Variants in RPS6KA5 observed in about 807,000 individuals in gnomAD.
The protein encoded by RPS6KA5 is ribosomal protein S6 kinase alpha-5.
Under a neutral mutation model 85.5 loss-of-function variants are expected in RPS6KA5, and 27 were observed. The ratio of observed to expected loss-of-function variants is 0.32; its 90% CI spans 0.23 to 0.44. RPS6KA5 has a LOEUF of 0.44. Ranked by LOEUF, RPS6KA5 falls within the 20% of genes least tolerant of loss-of-function variation. The pLI is 1.00. For missense variants in RPS6KA5, 811 were observed against 980.9 expected, an observed-to-expected ratio of 0.83 and a Z score of 2.31; for synonymous variants, 334 against 348.2, an observed-to-expected ratio of 0.96 and a Z score of 0.46.
At chr14:90,894,307 A>G (rs2034714496) in intron 13 of RPS6KA5, 106 bp downstream of exon 13, 1 of 1,391,472 alleles carries the variant, frequency 7.2e-7, no homozygotes, top group Non-Finnish European at 9.4e-7. Context: ...AACAGCCTTG[A>G]AAAGTAAAAA....
rs1447403785 is a variant in RPS6KA5, at chr14:90,862,047, C to T, written c.*10027G>A. 6.6e-6 allele frequency: 1 copy of T among 151,938 alleles called. No individual in the cohort carries two copies. Among genetic ancestry groups the T allele is most frequent in the Non-Finnish European group, 1.5e-5 (1 of 67,996 alleles). 9.4% of individuals were successfully genotyped at this position (151,938 alleles called of 1,614,324 possible). A position where few individuals can be genotyped will look rare whatever the true frequency, so the allele number is the denominator to read the frequency against. Reference sequence around the variant, plus strand: ...TGAATTTCTAAAAATTACTAACGAACTAACATAGGAGGAAACAATGGACAA... The same window carrying T: ...TGAATTTCTAAAAATTACTAACGAATTAACATAGGAGGAAACAATGGACAA... On this transcript the variant is annotated 3_prime_UTR_variant, in exon 17 of 17. Coordinates refer to ENST00000614987, the MANE Select transcript of RPS6KA5 (RefSeq NM_004755.4).
chr14:91,030,611 G>GAAAAAAAAAAAA (rs58737573), intron 1 of RPS6KA5, among the ~76,000 whole-genome samples: 17 of 22,032 alleles, frequency 7.7e-4, no homozygotes, highest in Admixed American at 1.7e-3. Flanking sequence ...AAAATAAACA[G>GAAAAAAAAAAAA]AAAAAAAAAA....
At chr14:90,937,691 T>C (rs1489592508) in intron 5 of RPS6KA5, among the ~76,000 whole-genome samples, 2 of 152,134 alleles carry the variant, frequency 1.3e-5, no homozygotes, top group Non-Finnish European at 2.9e-5. Context: ...AGTCACATAT[T>C]ACATGGATGG....
chr14:91,052,833 CA>C (rs200161761), intron 1 of RPS6KA5, among the ~76,000 whole-genome samples: 15,476 of 119,746 alleles, frequency 0.13, 896 homozygotes, highest in East Asian at 0.31. Flanking sequence ...ACTCCATCTC[CA>C]AAAAAAAAAA....
chr14:91,022,294 A>G (rs2041819456), intron 1 of RPS6KA5, among the ~76,000 whole-genome samples: 1 of 152,246 alleles, frequency 6.6e-6, no homozygotes, highest in South Asian at 2.1e-4. Flanking sequence ...AATATGATGT[A>G]CAAGAATAAT....
At chr14:90,898,305 C>A (rs1270750118) in intron 12 of RPS6KA5, among the ~76,000 whole-genome samples, 1 of 152,108 alleles carries the variant, frequency 6.6e-6, no homozygotes, top group African/African-American at 2.4e-5. Context: ...GAACCTAGAC[C>A]ACACAAGATA....
At chr14:90,873,879 T>C (rs184079949) in intron 15 of RPS6KA5, 84 bp from the exon 16 acceptor site, 1 of 1,183,762 alleles carries the variant, frequency 8.4e-7, no homozygotes, top group Non-Finnish European at 1.2e-6. Context: ...CTCAGCTATG[T>C]TCACATGACA....
At chr14:90,969,608 T>C (rs1300087458) in intron 3 of RPS6KA5, among the ~76,000 whole-genome samples, 3 of 152,358 alleles carry the variant, frequency 2.0e-5, no homozygotes, top group East Asian at 1.9e-4. Flanking sequence ...GGGGAAGTCG[T>C]AGAGTTAACA....
chr14:90,909,675 T>C (rs1034435258), intron 7 of RPS6KA5, among the ~76,000 whole-genome samples: 1 of 152,180 alleles, frequency 6.6e-6, no homozygotes, highest in African/African-American at 2.4e-5. Context: ...CATATTACAA[T>C]GTATCATGAA....
intron 3 of RPS6KA5, among the ~76,000 whole-genome samples, chr14:90,960,215 C>G: frequency 6.6e-6 from 1 of 152,140 alleles, no homozygotes; most frequent in East Asian, 1.9e-4. Flanking sequence ...AAAACTGCAT[C>G]TCTGATGTCT....
At position 90,890,496 on chromosome 14, in the gene RPS6KA5, G is replaced by T; in HGVS notation, c.1827C>A (p.Gly609=). 4 of 1,603,540 alleles carry T rather than the reference G, an allele frequency of 2.5e-6. No individual in the cohort carries two copies. Among genetic ancestry groups the T allele is most frequent in the Non-Finnish European group, 3.4e-6 (4 of 1,175,538 alleles). ...ATTGAAAAGAACTCACCAAAATGAC[G>T]CCCAAGCTCCACAGGTCACAGGACT... ...YDESCDLWSL[G]VILYTMLSGQ... is the part of the protein sequence containing the mutation. Residue 609 remains glycine (G), a synonymous_variant, in exon 14 of 17, where the codon GGC becomes GGA. Coordinates refer to ENST00000614987, the MANE Select transcript of RPS6KA5 (RefSeq NM_004755.4).
intron 5 of RPS6KA5, among the ~76,000 whole-genome samples, chr14:90,934,439 C>CATAA (rs2037155682): frequency 6.6e-6 from 1 of 152,106 alleles, no homozygotes; most frequent in South Asian, 2.1e-4. Flanking sequence ...ACTTTAAAGT[C>CATAA]CCTGACACTC....
In RPS6KA5 at chr14:90,861,994, T is replaced by C. The variant is rs919844994; in HGVS notation, c.*10080A>G. Reference sequence around the variant, plus strand: ...CCAATTTAAGGCAGCAAGTCAAAGATACAAGCTGTAATCTTTAAGGTACTA... The same window carrying C: ...CCAATTTAAGGCAGCAAGTCAAAGACACAAGCTGTAATCTTTAAGGTACTA... On this transcript the variant is annotated 3_prime_UTR_variant, in exon 17 of 17. Coordinates refer to ENST00000614987, the MANE Select transcript of RPS6KA5 (RefSeq NM_004755.4). The C allele has an allele frequency of 6.6e-6, 1 of 151,644 alleles. No individual in the cohort carries two copies. The highest frequency in any genetic ancestry group is 2.1e-4 in the South Asian group (1 of 4,810). The allele number at this position is 151,644 out of a possible 1,614,324, so 9.4% of individuals were successfully genotyped here.
intron 7 of RPS6KA5, among the ~76,000 whole-genome samples, chr14:90,913,614 T>C (rs953402982): frequency 3.9e-5 from 6 of 152,322 alleles, no homozygotes; most frequent in Middle Eastern, 3.4e-3. Flanking sequence ...TAAAAGTTAC[T>C]TAGTATGACT....
chr14:91,013,235 A>T (rs1000497030), intron 1 of RPS6KA5, among the ~76,000 whole-genome samples: 3 of 152,210 alleles, frequency 2.0e-5, no homozygotes, highest in Non-Finnish European at 4.4e-5. Context: ...AAACATCTTG[A>T]ATGCTTACTT....
chr14:91,031,972 C>A (rs923170340), intron 1 of RPS6KA5, among the ~76,000 whole-genome samples: 5 of 152,066 alleles, frequency 3.3e-5, no homozygotes, highest in African/African-American at 2.4e-5. Flanking sequence ...TTATATGGAT[C>A]GTTTTAATAA....
chr14:90,944,934 A>AT (rs34492881), intron 4 of RPS6KA5, among the ~76,000 whole-genome samples: 4 of 146,482 alleles, frequency 2.7e-5, no homozygotes, highest in Middle Eastern at 3.2e-3. Context: ...CAATGTCTCT[A>AT]TTTTTTTTTT....
chr14:90,917,489 T>C (rs566867714), intron 7 of RPS6KA5, among the ~76,000 whole-genome samples: 6 of 152,320 alleles, frequency 3.9e-5, no homozygotes, highest in South Asian at 2.1e-4. Flanking sequence ...TGTGAAACCA[T>C]TGCCACAATC....
intron 1 of RPS6KA5, among the ~76,000 whole-genome samples, chr14:91,042,344 C>T (rs1480643924): frequency 6.6e-6 from 1 of 151,934 alleles, no homozygotes; most frequent in African/African-American, 2.4e-5. Context: ...CTCTTTTCTA[C>T]TAAAAATACA....
Sources: allele counts gnomAD v4.1 joint callset (sites outside exome capture counted in the v4.1 genomes callset), GRCh38; gene constraint gnomAD v4.1.1; transcripts MANE v1.5; gene names NCBI Gene and HGNC (gene_info 2026-07-23, HGNC 2026-07-21).